The following CDK19 variants were observed in gnomAD, a reference collection of about 807,000 sequenced individuals.
CDK19 encodes cyclin-dependent kinase 19.
Under a neutral mutation model 68.3 loss-of-function variants are expected in CDK19, and 20 were observed. The ratio of observed to expected loss-of-function variants is 0.29; its 90% CI spans 0.21 to 0.43. The LOEUF is 0.43. Ranked by LOEUF, CDK19 falls within the 20% of genes least tolerant of loss-of-function variation. The pLI is 1.00. For missense variants in CDK19, 339 were observed against 623.5 expected (o/e 0.54, Z 4.86); for synonymous variants, 221 against 222.8 (o/e 0.99, Z 0.07).
At chr6:110,615,000 G>A (rs146959630) in intron 12 of CDK19, among the ~76,000 whole-genome samples, 89 of 152,198 alleles carry the variant, frequency 5.8e-4, no homozygotes, top group Middle Eastern at 6.8e-3. Flanking sequence ...TAACTGAGAC[G>A]TGCAAACAAG....
At chr6:110,725,328 G>A (rs1021790387) in intron 2 of CDK19, among the ~76,000 whole-genome samples, 1 of 151,926 alleles carries the variant, frequency 6.6e-6, no homozygotes, top group African/African-American at 2.4e-5. Context: ...TAAGCAAACA[G>A]AAGAGGAAAA....
At chr6:110,658,701 C>A (rs1411568591) in intron 4 of CDK19, among the ~76,000 whole-genome samples, 1 of 151,996 alleles carries the variant, frequency 6.6e-6, no homozygotes, top group Non-Finnish European at 1.5e-5. Flanking sequence ...TAAAACACAG[C>A]CTACTTTTTT....
chr6:110,732,426 C>T lies in CDK19; in HGVS notation c.204+13700G>A, dbSNP rs118016773. Among the ~76,000 whole-genome samples, 1,091 of 152,150 alleles carry T rather than the reference C, an allele frequency of 7.2e-3. 6 individuals carry two copies. The highest frequency in any genetic ancestry group is 0.02 in the Middle Eastern group (6 of 294). On this transcript the variant is annotated intron_variant, in intron 2 of 12. Coordinates refer to ENST00000368911, the MANE Select transcript of CDK19 (RefSeq NM_015076.5). ...GCTGAGGCACAAGAAGCACAAGAATCGCTTGAACCCAGGAGACACAAAACA... is the reference window on the plus strand; with the variant it reads ...GCTGAGGCACAAGAAGCACAAGAATTGCTTGAACCCAGGAGACACAAAACA...
Position 110,696,920 on chromosome 6 carries a change from G to A in CDK19, c.205-26379C>T, listed in dbSNP as rs372802059. 2.9e-4 allele frequency among the ~76,000 whole-genome samples: 44 copies of A among 152,226 alleles called. No individual in the cohort carries two copies. In the South Asian group the frequency reaches 8.9e-3, roughly 31 times the overall value. On this transcript the variant is annotated intron_variant, in intron 2 of 12. Transcript: ENST00000368911. The stretch of plus-strand genomic sequence containing the variant: ...CTAAAAATACAAAAATTAGCCAGGT[G>A]TGGTGGTGAGCACCTGTAATCCCAG...
At chr6:110,796,164 C>T (rs890365852) in intron 1 of CDK19, among the ~76,000 whole-genome samples, 9 of 152,072 alleles carry the variant, frequency 5.9e-5, no homozygotes, top group Admixed American at 2.0e-4. Flanking sequence ...TGGAGAAACC[C>T]GGTCTCTACT....
At chr6:110,804,817 G>A (rs111413901) in intron 1 of CDK19, among the ~76,000 whole-genome samples, 5,101 of 151,654 alleles carry the variant, frequency 0.034, 120 homozygotes, top group Middle Eastern at 0.078. Context: ...TTAGCCGGGC[G>A]TGGTGGCGAG....
intron 1 of CDK19, among the ~76,000 whole-genome samples, chr6:110,767,415 C>T (rs528612081): frequency 1.4e-3 from 205 of 143,726 alleles, no homozygotes; most frequent in African/African-American, 4.8e-3. Flanking sequence ...GTCAGGAGTT[C>T]GAGACCAGCC....
chr6:110,748,620 T>C (rs1351411020), intron 1 of CDK19, among the ~76,000 whole-genome samples: 1 of 152,246 alleles, frequency 6.6e-6, no homozygotes, highest in Non-Finnish European at 1.5e-5. Context: ...CCAGAGGGCA[T>C]ATGGGACTTC....
chr6:110,722,242 A>T (rs944622811), intron 2 of CDK19: 19 of 151,520 alleles, frequency 1.3e-4, no homozygotes, highest in African/African-American at 4.1e-4. Flanking sequence ...AATTTTTATT[A>T]TTTTTTTTTA....
At chr6:110,797,318 C>T (rs1220781199) in intron 1 of CDK19, among the ~76,000 whole-genome samples, 1 of 151,378 alleles carries the variant, frequency 6.6e-6, no homozygotes, top group East Asian at 1.9e-4. Context: ...CCAGCCTAGG[C>T]GACAGAGGGA....
intron 1 of CDK19, among the ~76,000 whole-genome samples, chr6:110,761,377 G>C (rs1285824923): frequency 2.0e-5 from 3 of 152,222 alleles, no homozygotes; most frequent in African/African-American, 7.2e-5. Flanking sequence ...GCAATAAAAA[G>C]AAGTGGATGG....
At chr6:110,669,872 C>T (rs1770852592) in intron 3 of CDK19, among the ~76,000 whole-genome samples, 1 of 152,144 alleles carries the variant, frequency 6.6e-6, no homozygotes, top group Non-Finnish European at 1.5e-5. Flanking sequence ...AAAGTATAGT[C>T]TCCCGCCAGG....
At chr6:110,716,730 G>A (rs1371425820) in intron 2 of CDK19, among the ~76,000 whole-genome samples, 3 of 152,134 alleles carry the variant, frequency 2.0e-5, no homozygotes, top group Admixed American at 6.6e-5. Flanking sequence ...GAGAGAGAAA[G>A]AGATCTACGT....
At chr6:110,691,520 A>G (rs1772986801) in intron 2 of CDK19, among the ~76,000 whole-genome samples, 1 of 151,930 alleles carries the variant, frequency 6.6e-6, no homozygotes, top group African/African-American at 2.4e-5. Context: ...TGGCTTACAC[A>G]TGTAATCCCA....
rs181565520 is a variant in CDK19 at position 110,749,753 on chromosome 6, C to T, written c.129-3552G>A. On this transcript the variant is annotated intron_variant, in intron 1 of 12. Transcript: ENST00000368911. ...CAAAAAACAGAAATCATTATTTTGCCTCATCATATGAATGACCACACTATT... is the reference window on the plus strand; with the variant it reads ...CAAAAAACAGAAATCATTATTTTGCTTCATCATATGAATGACCACACTATT... Among the ~76,000 whole-genome samples the T allele has an allele frequency of 3.9e-5, 6 of 152,116 alleles. No individual in the cohort carries two copies. The East Asian group carries it at 1.2e-3, about 29-fold the overall frequency.
intron 1 of CDK19, among the ~76,000 whole-genome samples, chr6:110,765,566 A>G (rs1421398686): frequency 6.6e-6 from 1 of 151,514 alleles, no homozygotes; most frequent in Non-Finnish European, 1.5e-5. Flanking sequence ...CTGTAGTCCC[A>G]GCTACTTGGG....
chr6:110,622,036 CT>C, intron 11 of CDK19, 51 bp downstream of exon 11: 2 of 1,049,670 alleles, frequency 1.9e-6, no homozygotes, highest in Non-Finnish European at 2.8e-6. Context: ...CCTAAACTAT[CT>C]TTTTGCCTCC....
At chr6:110,768,716 G>A (rs532356835) in intron 1 of CDK19, among the ~76,000 whole-genome samples, 11 of 152,280 alleles carry the variant, frequency 7.2e-5, no homozygotes, top group African/African-American at 2.6e-4. Flanking sequence ...TCAGGGGCTT[G>A]CAGGGAGGGA....
intron 1 of CDK19, among the ~76,000 whole-genome samples, chr6:110,755,605 G>C (rs567136499): frequency 6.6e-6 from 1 of 152,134 alleles, no homozygotes; most frequent in African/African-American, 2.4e-5. Flanking sequence ...AAAGTCCAAA[G>C]ATTAAGATCC....
Sources: allele counts gnomAD v4.1 joint callset (sites outside exome capture counted in the v4.1 genomes callset), GRCh38; gene constraint gnomAD v4.1.1; transcripts MANE v1.5; gene names NCBI Gene and HGNC (gene_info 2026-07-23, HGNC 2026-07-21).